DPP10: variants seen among roughly 807,000 people sequenced by gnomAD.
DPP10 encodes the protein inactive dipeptidyl peptidase 10.
Under a neutral mutation model 120.9 loss-of-function variants are expected in DPP10, and 33 were observed. The observed-to-expected ratio is 0.27, with a 90% CI of 0.21 to 0.37. The LOEUF (loss-of-function observed/expected upper bound fraction) is 0.37. Among genes scored for constraint, DPP10 ranks in the 10% least tolerant of loss-of-function variants. The pLI is 1.00. For synonymous variants in DPP10, 337 were observed against 326.1 expected (o/e 1.03, Z -0.36); for missense variants, 816 against 942.8 (o/e 0.87, Z 1.76).
intron 7 of DPP10, among the ~76,000 whole-genome samples, chr2:115,718,140 A>G (rs79135034): frequency 0.012 from 1,849 of 152,094 alleles, 44 homozygotes; most frequent in African/African-American, 0.043. Context: ...TTGTAATTAT[A>G]TCTTTTATCT....
intron 1 of DPP10, among the ~76,000 whole-genome samples, chr2:114,703,197 A>G (rs1191771764): frequency 6.6e-6 from 1 of 152,184 alleles, no homozygotes; most frequent in East Asian, 1.9e-4. Flanking sequence ...AGAGTTTTAC[A>G]TTAACGAAGC....
chr2:114,453,436 C>A (rs1678396209), intron 1 of DPP10, among the ~76,000 whole-genome samples: 1 of 152,014 alleles, frequency 6.6e-6, no homozygotes, highest in Admixed American at 6.6e-5. Flanking sequence ...TGTCATTGGA[C>A]TTTCTTCTAT....
chr2:115,672,674 T>TTC (rs879600813), intron 5 of DPP10, among the ~76,000 whole-genome samples: 16,630 of 124,496 alleles, frequency 0.13, 1,307 homozygotes, highest in African/African-American at 0.25. Flanking sequence ...CTTTCTCTCT[T>TTC]TCTTTCTCTT....
chr2:114,860,828 G>C (rs940907421), intron 1 of DPP10, among the ~76,000 whole-genome samples: 1 of 152,126 alleles, frequency 6.6e-6, no homozygotes, highest in Admixed American at 6.5e-5. Flanking sequence ...CTCATTTAAA[G>C]AGTATTTAAT....
At chr2:114,542,827 A>C (rs1687060443) in intron 1 of DPP10, among the ~76,000 whole-genome samples, 1 of 152,200 alleles carries the variant, frequency 6.6e-6, no homozygotes, top group Non-Finnish European at 1.5e-5. Flanking sequence ...AATGTGCCTC[A>C]TAGTGTGGGT....
intron 1 of DPP10, among the ~76,000 whole-genome samples, chr2:114,610,224 C>T (rs1693173779): frequency 6.6e-6 from 1 of 152,082 alleles, no homozygotes; most frequent in Admixed American, 6.6e-5. Context: ...TCTGTATTTG[C>T]CTTCTAGAAT....
intron 2 of DPP10, among the ~76,000 whole-genome samples, chr2:115,312,696 T>C (rs555983847): frequency 6.6e-6 from 1 of 152,184 alleles, no homozygotes; most frequent in Non-Finnish European, 1.5e-5. Flanking sequence ...AACAGAGCCA[T>C]AAAGAAAACC....
intron 1 of DPP10, among the ~76,000 whole-genome samples, chr2:114,605,758 A>C (rs78147752): frequency 0.011 from 1,614 of 152,230 alleles, 42 homozygotes; most frequent in African/African-American, 0.037. Flanking sequence ...ATGTAGGAGA[A>C]GAACTTAAGG....
intron 3 of DPP10, among the ~76,000 whole-genome samples, chr2:115,406,821 A>G (rs1229550350): frequency 6.6e-6 from 1 of 152,204 alleles, no homozygotes; most frequent in Non-Finnish European, 1.5e-5. Context: ...ACAGAAATGG[A>G]CATTTCAACA....
chr2:114,442,682 C>G lies in DPP10; in HGVS notation c.-97C>G, dbSNP rs1405882549. 5 of 1,371,212 alleles carry G rather than the reference C, an allele frequency of 3.6e-6. No homozygotes were observed. Among genetic ancestry groups the G allele is most frequent in the East Asian group, 2.4e-5 (1 of 41,992 alleles). 84.9% of individuals were successfully genotyped at this position (1,371,212 alleles called of 1,614,324 possible). A position where few individuals can be genotyped will look rare whatever the true frequency, so the allele number is the denominator to read the frequency against. On this transcript the variant is annotated 5_prime_UTR_variant, in exon 1 of 26. Transcript: ENST00000410059. ...ACAGCAGTAGCAGCGGCAGCAGCAACAGCAGCAGCCCCTACTGAAGTCCAA... is the reference window on the plus strand; with the variant it reads ...ACAGCAGTAGCAGCGGCAGCAGCAAGAGCAGCAGCCCCTACTGAAGTCCAA...
At chr2:114,698,620 G>C (rs1463175147) in intron 1 of DPP10, among the ~76,000 whole-genome samples, 3 of 152,068 alleles carry the variant, frequency 2.0e-5, no homozygotes, top group Admixed American at 2.0e-4. Flanking sequence ...CTAGAACAAG[G>C]GTTGATTAAA....
intron 19 of DPP10, among the ~76,000 whole-genome samples, chr2:115,798,310 T>A (rs984058514): frequency 1.3e-5 from 2 of 151,996 alleles, no homozygotes; most frequent in Admixed American, 6.6e-5. Flanking sequence ...AGAAAAAACA[T>A]ATTAGGATAT....
At chr2:115,113,379 C>T (rs1008266709) in intron 1 of DPP10, among the ~76,000 whole-genome samples, 1 of 151,204 alleles carries the variant, frequency 6.6e-6, no homozygotes, top group Non-Finnish European at 1.5e-5. Context: ...TTCTGTTAGC[C>T]TTAAATTCTC....
At chr2:114,532,262 T>A (rs1280792305) in intron 1 of DPP10, among the ~76,000 whole-genome samples, 3 of 16,754 alleles carry the variant, frequency 1.8e-4, no homozygotes, top group African/African-American at 4.7e-4. Context: ...TCTCCATATA[T>A]ATATATATAT....
chr2:115,824,123 G>A (rs1359692399), intron 21 of DPP10, among the ~76,000 whole-genome samples: 4 of 151,908 alleles, frequency 2.6e-5, no homozygotes, highest in African/African-American at 7.3e-5. Context: ...TACACTCTGA[G>A]ATACATCATA....
chr2:114,920,143 G>A (rs376976384), intron 1 of DPP10, among the ~76,000 whole-genome samples: 34 of 152,286 alleles, frequency 2.2e-4, no homozygotes, highest in African/African-American at 8.2e-4. Flanking sequence ...CTTCGGGAGG[G>A]GTGGAGAGGA....
At chr2:114,847,196 C>G (rs964328225) in intron 1 of DPP10, among the ~76,000 whole-genome samples, 2 of 152,102 alleles carry the variant, frequency 1.3e-5, no homozygotes, top group Non-Finnish European at 2.9e-5. Flanking sequence ...TCTTGCTGAG[C>G]TTTGCCTGAA....
Position 115,629,346 on chromosome 2 carries a change from G to A in DPP10, c.442-60341G>A, listed in dbSNP as rs541330178. Among the ~76,000 whole-genome samples, 13 of 152,056 alleles carry A rather than the reference G, an allele frequency of 8.5e-5. No homozygotes were observed. In the South Asian group the frequency reaches 1.5e-3, roughly 17 times the overall value. On this transcript the variant is annotated intron_variant, in intron 5 of 25. Transcript: ENST00000410059. Reference sequence around the variant, plus strand: ...ATATATACCCAGTAATGGGATGGCTGGGTCAAATGGTATTTCTAGTTCTAG... The same window carrying A: ...ATATATACCCAGTAATGGGATGGCTAGGTCAAATGGTATTTCTAGTTCTAG...
At chr2:115,573,021 A>G (rs2081429195) in intron 5 of DPP10, among the ~76,000 whole-genome samples, 1 of 152,176 alleles carries the variant, frequency 6.6e-6, no homozygotes, top group Non-Finnish European at 1.5e-5. Context: ...TTGAAAAGGA[A>G]CAAACTCCAA....
Sources: allele counts gnomAD v4.1 joint callset (sites outside exome capture counted in the v4.1 genomes callset), GRCh38; gene constraint gnomAD v4.1.1; transcripts MANE v1.5; gene names NCBI Gene and HGNC (gene_info 2026-07-23, HGNC 2026-07-21).